KBTBD3: variants seen among roughly 807,000 people sequenced by gnomAD.
KBTBD3 encodes the protein kelch repeat and BTB domain containing 3, also known as kelch repeat and BTB domain-containing protein 3.
A neutral mutation model predicts 49.6 loss-of-function variants in KBTBD3; 38 were observed. That is an observed-to-expected ratio of 0.77 (90% CI 0.59 to 1.00). The LOEUF (loss-of-function observed/expected upper bound fraction) is 1.00, where lower values mean the gene tolerates loss of function less well. Among genes scored for constraint, KBTBD3 ranks in the 50% least tolerant of loss-of-function variants. The pLI, the probability that KBTBD3 is intolerant of heterozygous loss-of-function variation, is 0.00. For synonymous variants in KBTBD3, 214 were observed against 250.4 expected (o/e 0.85, Z 1.37); for missense variants, 661 against 712.0 (o/e 0.93, Z 0.81).
intron 2 of KBTBD3, among the ~76,000 whole-genome samples, chr11:106,072,035 A>T (rs1860928245): frequency 6.6e-6 from 1 of 152,202 alleles, no homozygotes; most frequent in Non-Finnish European, 1.5e-5. Context: ...ATTTTTTCAC[A>T]CTTATCTGAA....
In KBTBD3 at chr11:106,053,060, A is replaced by C. The variant is rs770228086; in HGVS notation, c.1629T>G (p.Asn543Lys). 6.2e-7 allele frequency: 1 copy of C among 1,613,742 alleles called. No homozygotes were observed. Among genetic ancestry groups the C allele is most frequent in the South Asian group, 1.1e-5 (1 of 91,072 alleles). The change falls in exon 4 of 4, where the codon AAT becomes AAG. Residue 543 changes from asparagine to lysine, a missense_variant. Coordinates refer to ENST00000531837, the MANE Select transcript of KBTBD3 (RefSeq NM_198439.3). ...GEGSFECAGF[N>K]AGAIGIEDKI... ...TATCTTCAATTCCAATTGCACCTGC[A>C]TTAAAGCCTGCACACTCAAAAGATC...
At position 106,059,050 on chromosome 11, in the gene KBTBD3, T is replaced by A; in HGVS notation, c.48A>T (p.Thr16=). The A allele has an allele frequency of 6.4e-7, 1 of 1,554,184 alleles. No homozygotes were observed. The highest frequency in any genetic ancestry group is 8.6e-7 in the Non-Finnish European group (1 of 1,162,028). ...TCTTCTCAGATGGAATTCCATTACA[T>A]GTGCTTCGTTGATTGAAAGCATATG... ...DNSYAFNQRS[T]CNGIPSEKKN... is the part of the protein sequence containing the mutation. The change falls in exon 3 of 4, where the codon ACA becomes ACT. Residue 16 remains threonine, a synonymous_variant. Transcript: ENST00000531837.
Position 106,052,924 on chromosome 11 carries a change from A to C in KBTBD3, c.1765T>G (p.Leu589Val). The C allele has an allele frequency of 6.2e-7, 1 of 1,613,654 alleles. No homozygotes were observed. The highest frequency in any genetic ancestry group is 8.5e-7 in the Non-Finnish European group (1 of 1,179,662). ...WEEVSPMPRA[L>V]TEFYCQVIQF... ...ATCACCTGGCAGTAAAATTCTGTTA[A>C]GGCTCTAGGCATTGGTGAAACTTCT... is the stretch of plus-strand genomic sequence containing the variant. The change falls in exon 4 of 4, where the codon TTA becomes GTA. Residue 589 changes from leucine (L) to valine (V), a missense_variant. Coordinates refer to ENST00000531837, the MANE Select transcript of KBTBD3 (RefSeq NM_198439.3).
chr11:106,074,321 T>C (rs1037913063), intron 2 of KBTBD3, among the ~76,000 whole-genome samples: 5 of 152,198 alleles, frequency 3.3e-5, no homozygotes, highest in African/African-American at 9.6e-5. Context: ...AAGGACACTC[T>C]GTGGTAGCAT....
chr11:106,058,303 G>C lies in KBTBD3; in HGVS notation c.233+562C>G, dbSNP rs528332397. ...GGCTGAGGCAGGAGAATGGCTGGAA[G>C]CCGGGAGGCGGAGCTTGCAGTGAGC... is the stretch of plus-strand genomic sequence containing the variant. On this transcript the variant is annotated intron_variant, in intron 3 of 3. Transcript: ENST00000531837. 2.0e-5 allele frequency among the ~76,000 whole-genome samples: 3 copies of C among 151,736 alleles called. No individual in the cohort carries two copies. In the East Asian group the frequency reaches 5.9e-4, roughly 30 times the overall value.
intron 2 of KBTBD3, among the ~76,000 whole-genome samples, chr11:106,072,853 GAT>G (rs1860946611): frequency 6.6e-6 from 1 of 152,112 alleles, no homozygotes; most frequent in Non-Finnish European, 1.5e-5. Context: ...AGGCACTAGA[GAT>G]ATAAAGAGAA....
intron 2 of KBTBD3, among the ~76,000 whole-genome samples, chr11:106,061,055 A>G (rs1462086224): frequency 6.6e-6 from 1 of 152,200 alleles, no homozygotes; most frequent in African/African-American, 2.4e-5. Context: ...CAAATATATG[A>G]AAAAAATCTC....
chr11:106,054,214 A>G lies in KBTBD3; in HGVS notation c.475T>C (p.Ser159Pro). 6.2e-7 allele frequency: 1 copy of G among 1,612,652 alleles called. No homozygotes were observed. The highest frequency in any genetic ancestry group is 1.1e-5 in the South Asian group (1 of 90,906). The change falls in exon 4 of 4, where the codon TCT (serine) becomes CCT (proline). Residue 159 changes from serine to proline, a missense_variant. Ser to Pro is a moderately conservative substitution (Grantham distance 74). Coordinates refer to ENST00000531837, the MANE Select transcript of KBTBD3 (RefSeq NM_198439.3). ...INLVNCLQLLSISDSYGSTSL... is the reference protein window; with the variant it reads ...INLVNCLQLLPISDSYGSTSL... Reference sequence around the variant, plus strand: ...GTGGAGCCATAGCTATCTGATATAGATAATAACTGTAAACAATTGACAAGA... The same window carrying G: ...GTGGAGCCATAGCTATCTGATATAGGTAATAACTGTAAACAATTGACAAGA...
chr11:106,076,468 G>C (rs1161989062), intron 2 of KBTBD3, 39 bp downstream of exon 2: 1 of 152,114 alleles, frequency 6.6e-6, no homozygotes, highest in African/African-American at 2.4e-5. Context: ...ATCTTAAATA[G>C]GACAGAAATC....
In KBTBD3 at chr11:106,051,400, T is replaced by A. The variant is rs1028710837; in HGVS notation, c.*1450A>T. 8.6e-5 allele frequency: 13 copies of A among 151,982 alleles called. No homozygotes were observed. The highest frequency in any genetic ancestry group is 3.1e-4 in the African/African-American group (13 of 41,428). The allele number at this position is 151,982 out of a possible 1,614,324, so 9.4% of individuals were successfully genotyped here. On this transcript the variant is annotated 3_prime_UTR_variant, in exon 4 of 4. Transcript: ENST00000531837. ...AAATGTACTCTGATATTCCATTCTGTTTTGAAAAATACATTTGGAACTTAT... is the reference window on the plus strand; with the variant it reads ...AAATGTACTCTGATATTCCATTCTGATTTGAAAAATACATTTGGAACTTAT...
At chr11:106,069,704 G>T (rs530602698) in intron 2 of KBTBD3, among the ~76,000 whole-genome samples, 1 of 151,924 alleles carries the variant, frequency 6.6e-6, no homozygotes, top group South Asian at 2.1e-4. Context: ...TGATATAAAG[G>T]TTTAACACAT....
intron 2 of KBTBD3, among the ~76,000 whole-genome samples, chr11:106,066,260 G>A (rs139245196): frequency 2.6e-5 from 4 of 152,208 alleles, no homozygotes; most frequent in East Asian, 1.9e-4. Context: ...AAATGGTTCC[G>A]TTTCTAGCCA....
intron 2 of KBTBD3, among the ~76,000 whole-genome samples, chr11:106,069,170 T>A (rs960975648): frequency 6.6e-6 from 1 of 152,164 alleles, no homozygotes; most frequent in Non-Finnish European, 1.5e-5. Context: ...CCCTTACCAC[T>A]GCTATTCATC....
At chr11:106,067,794 AC>A (rs368577630) in intron 2 of KBTBD3, among the ~76,000 whole-genome samples, 297 of 152,332 alleles carry the variant, frequency 1.9e-3, no homozygotes, top group African/African-American at 6.8e-3. Context: ...CAATAATTGC[AC>A]TAAATGTAAG....
In KBTBD3 at chr11:106,059,042, CCATTA is replaced by C. The variant is rs1367010605; in HGVS notation, c.51_55del (p.Cys17TrpfsTer5). On this transcript the variant is annotated frameshift_variant, in exon 3 of 4. Transcript: ENST00000531837. LOFTEE classifies it high-confidence loss of function. ...GTTGTTTTTCTTCTCAGATGGAATT[CCATTA>C]CATGTGCTTCGTTGATTGAAAGCAT... The C allele has an allele frequency of 6.4e-7, 1 of 1,554,958 alleles. No individual in the cohort carries two copies. Among genetic ancestry groups the C allele is most frequent in the Admixed American group, 2.4e-5 (1 of 42,052 alleles).
chr11:106,067,499 TACTCA>T (rs995413056), intron 2 of KBTBD3, among the ~76,000 whole-genome samples: 1 of 151,676 alleles, frequency 6.6e-6, no homozygotes, highest in African/African-American at 2.4e-5. Context: ...GGCTCCCAGC[TACTCA>T]GGAGGCTGAG....
chr11:106,069,783 G>A (rs1193211877), intron 2 of KBTBD3, among the ~76,000 whole-genome samples: 1 of 151,788 alleles, frequency 6.6e-6, no homozygotes, highest in Non-Finnish European at 1.5e-5. Context: ...TATATGTAAT[G>A]ATAAAGAAAA....
intron 2 of KBTBD3, 95 bp from the exon 3 acceptor site, chr11:106,059,204 C>G: frequency 1.6e-6 from 1 of 614,436 alleles, no homozygotes; most frequent in South Asian, 2.1e-5. Context: ...ACAAAAATAA[C>G]CACTAAGAAA....
At chr11:106,063,729 G>A (rs568580266) in intron 2 of KBTBD3, among the ~76,000 whole-genome samples, 2 of 151,884 alleles carry the variant, frequency 1.3e-5, no homozygotes, top group East Asian at 1.9e-4. Flanking sequence ...TCAAGAGATC[G>A]ACACCATCCT....
Sources: allele counts gnomAD v4.1 joint callset (sites outside exome capture counted in the v4.1 genomes callset), GRCh38; gene constraint gnomAD v4.1.1; transcripts MANE v1.5; gene names NCBI Gene and HGNC (gene_info 2026-07-23, HGNC 2026-07-21).